MYO3A: variants seen among roughly 807,000 people sequenced by gnomAD.
MYO3A encodes myosin IIIA.
In MYO3A, 180 loss-of-function variants were observed where a neutral mutation model predicts 192.7. The observed-to-expected ratio is 0.93, with a 90% confidence interval of 0.83 to 1.06. MYO3A has a LOEUF of 1.06. Among genes scored for constraint, MYO3A ranks in the 50% least tolerant of loss-of-function variants. MYO3A has a pLI of 0.00. For synonymous variants in MYO3A, 628 were observed against 645.3 expected, an observed-to-expected ratio of 0.97 and a Z score of 0.41; for missense variants, 1,896 against 1,905.0, an observed-to-expected ratio of 1.00 and a Z score of 0.09.
intron 20 of MYO3A, among the ~76,000 whole-genome samples, chr10:26,136,509 T>C (rs1839854103): frequency 6.6e-6 from 1 of 152,216 alleles, no homozygotes; most frequent in East Asian, 1.9e-4. Context: ...TTGGTGACTT[T>C]GGAAGAATCT....
intron 3 of MYO3A, 60 bp downstream of exon 3, chr10:25,952,338 A>G (rs1451148096): frequency 6.0e-6 from 9 of 1,499,620 alleles, no homozygotes; most frequent in Admixed American, 1.8e-5. Flanking sequence ...ACACTTAAAA[A>G]GACTGTATTT....
chr10:26,076,652 A>C (rs1835594545), intron 14 of MYO3A, among the ~76,000 whole-genome samples: 1 of 152,148 alleles, frequency 6.6e-6, no homozygotes, highest in African/African-American at 2.4e-5. Context: ...TCCTGAATCC[A>C]TCTTGAGTTG....
rs144244099 is a variant in MYO3A, at chr10:26,105,703, G to A, written c.1776+9021G>A. 1.9e-3 allele frequency among the ~76,000 whole-genome samples: 283 copies of A among 151,902 alleles called. 3 individuals carry two copies. The highest frequency in any genetic ancestry group is 5.2e-3 in the African/African-American group (217 of 41,504). ...TACCATAATGAAGTTCTAAATTTTC[G>A]TTTATTCAAACAAATTTACGTTTTT... On this transcript the variant is annotated intron_variant, in intron 17 of 34. Coordinates refer to ENST00000642920, the MANE Select transcript of MYO3A (RefSeq NM_017433.5).
At chr10:26,176,602 C>A in intron 30 of MYO3A, 99 bp from the exon 31 acceptor site, 1 of 1,092,012 alleles carries the variant, frequency 9.2e-7, no homozygotes, top group Non-Finnish European at 1.4e-6. Context: ...ACATGAGAGT[C>A]CCCAAGAGTG....
intron 12 of MYO3A, among the ~76,000 whole-genome samples, chr10:26,069,887 A>G (rs1406888300): frequency 6.6e-6 from 1 of 152,022 alleles, no homozygotes; most frequent in Non-Finnish European, 1.5e-5. Context: ...ACTTTATGTC[A>G]TATCATATTT....
At chr10:26,055,942 A>G (rs1227707642) in intron 10 of MYO3A, among the ~76,000 whole-genome samples, 2 of 152,222 alleles carry the variant, frequency 1.3e-5, no homozygotes, top group Non-Finnish European at 2.9e-5. Context: ...GCTATCAAAG[A>G]AAAATTACAA....
intron 14 of MYO3A, among the ~76,000 whole-genome samples, chr10:26,083,665 C>A (rs1836118100): frequency 6.6e-6 from 1 of 152,126 alleles, no homozygotes; most frequent in African/African-American, 2.4e-5. Context: ...GAGGAACTTT[C>A]TTTCTATACC....
intron 4 of MYO3A, among the ~76,000 whole-genome samples, chr10:25,963,508 A>AAT (rs1239151985): frequency 1.3e-5 from 2 of 152,190 alleles, no homozygotes; most frequent in Non-Finnish European, 2.9e-5. Flanking sequence ...CACAGAAGGG[A>AAT]ATATAAAGCC....
chr10:26,172,974 G>A (rs1842122250), intron 29 of MYO3A, among the ~76,000 whole-genome samples: 1 of 151,978 alleles, frequency 6.6e-6, no homozygotes, highest in Non-Finnish European at 1.5e-5. Flanking sequence ...AGCATATCAA[G>A]GTGTCATGGT....
chr10:25,983,661 C>T (rs1588702096), intron 4 of MYO3A, among the ~76,000 whole-genome samples: 1 of 152,270 alleles, frequency 6.6e-6, no homozygotes, highest in East Asian at 1.9e-4. Flanking sequence ...GAAGAGAAAT[C>T]TAAAAGTTTG....
At chr10:26,115,006 G>A (rs985005253) in intron 17 of MYO3A, among the ~76,000 whole-genome samples, 2 of 152,328 alleles carry the variant, frequency 1.3e-5, no homozygotes, top group South Asian at 2.1e-4. Flanking sequence ...GGGAACCTAC[G>A]AGGAGTTTGG....
chr10:26,121,729 C>T (rs112833695), intron 18 of MYO3A, among the ~76,000 whole-genome samples: 14,807 of 152,164 alleles, frequency 0.097, 797 homozygotes, highest in Non-Finnish European at 0.12. Context: ...CCAGCCTGGA[C>T]GACGGAGCAA....
At chr10:26,116,458 T>G (rs1288390745) in intron 17 of MYO3A, among the ~76,000 whole-genome samples, 1 of 152,178 alleles carries the variant, frequency 6.6e-6, no homozygotes, top group African/African-American at 2.4e-5. Flanking sequence ...GACCTTATCT[T>G]AACTATTTAC....
intron 4 of MYO3A, among the ~76,000 whole-genome samples, chr10:25,961,976 A>C (rs1312569348): frequency 6.6e-6 from 1 of 152,208 alleles, no homozygotes; most frequent in African/African-American, 2.4e-5. Flanking sequence ...GTGAATCTAC[A>C]TACAGAAGGT....
intron 33 of MYO3A, chr10:26,202,666 A>T (rs1589123021): frequency 2.7e-6 from 1 of 365,704 alleles, no homozygotes; most frequent in Non-Finnish European, 5.1e-6. Flanking sequence ...CCAAACTGAA[A>T]CACTGCAATC....
At chr10:26,169,310 A>G (rs546903265) in intron 28 of MYO3A, among the ~76,000 whole-genome samples, 14 of 152,322 alleles carry the variant, frequency 9.2e-5, no homozygotes, top group African/African-American at 3.4e-4. Context: ...AATAATATTT[A>G]TAACCATACT....
At chr10:26,185,587 G>A (rs183878985) in intron 31 of MYO3A, among the ~76,000 whole-genome samples, 4 of 151,850 alleles carry the variant, frequency 2.6e-5, no homozygotes, top group South Asian at 4.2e-4. Context: ...TAATACACCC[G>A]CCTCGGCCTC....
intron 10 of MYO3A, among the ~76,000 whole-genome samples, chr10:26,045,372 A>AGATAGATG (rs200716459): frequency 0.086 from 6,974 of 81,028 alleles, 230 homozygotes; most frequent in Middle Eastern, 0.16. Flanking sequence ...GGCATTAGAT[A>AGATAGATG]GATAGATAGA....
chr10:26,037,136 G>A (rs1473818912), intron 10 of MYO3A, among the ~76,000 whole-genome samples: 1 of 152,176 alleles, frequency 6.6e-6, no homozygotes, highest in Non-Finnish European at 1.5e-5. Context: ...AAAGGTGAGA[G>A]GATAAATGAA....
Sources: allele counts gnomAD v4.1 joint callset (sites outside exome capture counted in the v4.1 genomes callset), GRCh38; gene constraint gnomAD v4.1.1; transcripts MANE v1.5; gene names NCBI Gene and HGNC (gene_info 2026-07-23, HGNC 2026-07-21).